Variants in GRM8 observed in about 807,000 individuals in gnomAD.
GRM8 encodes the protein glutamate metabotropic receptor 8, also known as metabotropic glutamate receptor 8.
A neutral mutation model predicts 87.2 loss-of-function variants in GRM8; 47 were observed. The observed-to-expected ratio is 0.54, with a 90% CI of 0.43 to 0.69. The LOEUF (loss-of-function observed/expected upper bound fraction) is 0.69, where lower values mean the gene tolerates loss of function less well. GRM8 is among the 30% of genes least tolerant of loss of function. GRM8 has a pLI of 0.00. For missense variants in GRM8, 1,019 were observed against 1,139.2 expected (o/e 0.89, Z 1.52); for synonymous variants, 396 against 404.5 (o/e 0.98, Z 0.25).
At chr7:127,001,176 T>A (rs1040912679) in intron 3 of GRM8, among the ~76,000 whole-genome samples, 4 of 151,646 alleles carry the variant, frequency 2.6e-5, no homozygotes, top group Non-Finnish European at 5.9e-5. Context: ...AAAAATGTTT[T>A]CAACATATTG....
chr7:127,230,192 T>C (rs918324254), intron 2 of GRM8, among the ~76,000 whole-genome samples: 3 of 146,750 alleles, frequency 2.0e-5, no homozygotes, highest in African/African-American at 4.9e-5. Flanking sequence ...CTCTGGGTGC[T>C]CTGTGCTCAC....
At chr7:127,192,693 C>T (rs576893021) in intron 2 of GRM8, among the ~76,000 whole-genome samples, 1 of 152,340 alleles carries the variant, frequency 6.6e-6, no homozygotes, top group African/African-American at 2.4e-5. Context: ...TACGCAAGTA[C>T]AAGGACTGGG....
intron 3 of GRM8, among the ~76,000 whole-genome samples, chr7:127,083,533 G>A (rs1246798275): frequency 1.3e-5 from 2 of 152,066 alleles, no homozygotes; most frequent in African/African-American, 2.4e-5. Context: ...ATCTGGTCAC[G>A]CTGCTGCCCT....
At chr7:126,703,495 G>A (rs1375461040) in intron 7 of GRM8, among the ~76,000 whole-genome samples, 1 of 152,104 alleles carries the variant, frequency 6.6e-6, no homozygotes, top group South Asian at 2.1e-4. Flanking sequence ...TCTAAACCAG[G>A]TCCTAGGGTC....
chr7:126,464,308 T>C (rs1804242508), intron 9 of GRM8, among the ~76,000 whole-genome samples: 1 of 151,756 alleles, frequency 6.6e-6, no homozygotes, highest in Admixed American at 6.6e-5. Context: ...TGGAATGTAT[T>C]TTACCATTCC....
chr7:126,629,811 A>C (rs911307740), intron 7 of GRM8, among the ~76,000 whole-genome samples: 18 of 152,182 alleles, frequency 1.2e-4, no homozygotes, highest in African/African-American at 4.3e-4. Flanking sequence ...CACTGCACGC[A>C]TAACAATGTG....
At chr7:126,795,285 T>C (rs547898787) in intron 6 of GRM8, among the ~76,000 whole-genome samples, 33 of 152,216 alleles carry the variant, frequency 2.2e-4, no homozygotes, top group African/African-American at 7.9e-4. Flanking sequence ...TGAAACAATC[T>C]AGCTCAGAAG....
chr7:127,166,787 A>G (rs577021486), intron 2 of GRM8, among the ~76,000 whole-genome samples: 1 of 152,262 alleles, frequency 6.6e-6, no homozygotes, highest in African/African-American at 2.4e-5. Flanking sequence ...TCCTCTTATG[A>G]AAATATCCTG....
rs1045809325 is a variant in GRM8, at chr7:127,031,387, T to C, written c.727+75109A>G. 5.3e-5 allele frequency among the ~76,000 whole-genome samples: 8 copies of C among 152,208 alleles called. 1 individual carries two copies. The highest frequency in any genetic ancestry group is 1.9e-4 in the African/African-American group (8 of 41,558). On this transcript the variant is annotated intron_variant, in intron 3 of 10. Coordinates refer to ENST00000339582, the MANE Select transcript of GRM8 (RefSeq NM_000845.3). The stretch of plus-strand genomic sequence containing the variant: ...ATACTATTTTTTTAAATTATTTATT[T>C]TCAATTACCTGAAGAGAATGGAGCC...
At chr7:126,508,203 T>C (rs1301833206) in intron 9 of GRM8, among the ~76,000 whole-genome samples, 1 of 151,914 alleles carries the variant, frequency 6.6e-6, no homozygotes, top group Non-Finnish European at 1.5e-5. Context: ...TGTGTTGCTA[T>C]AATAGAATAC....
intron 2 of GRM8, among the ~76,000 whole-genome samples, chr7:127,192,188 A>G (rs1446107881): frequency 6.6e-6 from 1 of 152,230 alleles, no homozygotes; most frequent in East Asian, 1.9e-4. Context: ...TACCTTTTCA[A>G]ATAAAAACTT....
chr7:126,857,821 T>C (rs567345096), intron 6 of GRM8, among the ~76,000 whole-genome samples: 3 of 152,296 alleles, frequency 2.0e-5, no homozygotes, highest in Admixed American at 6.5e-5. Context: ...TGGTGGCAGA[T>C]GCCTGTAGTC....
chr7:126,620,336 A>T (rs1408068487), intron 7 of GRM8, among the ~76,000 whole-genome samples: 1 of 152,228 alleles, frequency 6.6e-6, no homozygotes, highest in African/African-American at 2.4e-5. Flanking sequence ...ATGGAAACAA[A>T]CAACATGGAG....
intron 8 of GRM8, among the ~76,000 whole-genome samples, chr7:126,597,721 TC>T (rs1229957637): frequency 3.9e-5 from 6 of 152,116 alleles, no homozygotes; most frequent in African/African-American, 1.4e-4. Flanking sequence ...TCACGTTATG[TC>T]TTTAAGCAGC....
intron 3 of GRM8, among the ~76,000 whole-genome samples, chr7:126,928,158 A>G (rs1805341761): frequency 7.1e-6 from 1 of 140,324 alleles, no homozygotes; most frequent in South Asian, 2.2e-4. Flanking sequence ...CATAAGTGGG[A>G]GTTGAACAAT....
chr7:127,181,556 G>C (rs1349940266), intron 2 of GRM8, among the ~76,000 whole-genome samples: 3 of 151,620 alleles, frequency 2.0e-5, no homozygotes, highest in Non-Finnish European at 4.4e-5. Flanking sequence ...TAAGCAAAAA[G>C]AATACATCTG....
chr7:126,559,593 CT>C (rs1196321160), intron 8 of GRM8, among the ~76,000 whole-genome samples: 17 of 152,288 alleles, frequency 1.1e-4, no homozygotes, highest in Admixed American at 2.0e-4. Flanking sequence ...ATCACATTGT[CT>C]TGTGCAACAG....
At chr7:127,103,101 C>A (rs376133803) in intron 3 of GRM8, among the ~76,000 whole-genome samples, 71 of 152,272 alleles carry the variant, frequency 4.7e-4, no homozygotes, top group Admixed American at 4.1e-3. Flanking sequence ...CCTCAGCCCC[C>A]CAAAGTGCTG....
Position 126,983,319 on chromosome 7 carries a change from C to T in GRM8, c.728-78636G>A, listed in dbSNP as rs751498499. Among the ~76,000 whole-genome samples the T allele has an allele frequency of 6.4e-4, 97 of 151,802 alleles. 1 individual carries two copies. Among genetic ancestry groups the T allele is most frequent in the Non-Finnish European group, 5.1e-4 (35 of 67,992 alleles). ...CTGGATTGAAAGGATAATAGAATTG[C>T]CTTTGGAAGTCAGAATTAAAATGCC... On this transcript the variant is annotated intron_variant, in intron 3 of 10. Transcript: ENST00000339582.
Sources: gnomAD v4.1 joint callset for allele counts (sites outside exome capture counted in the v4.1 genomes callset) on GRCh38, gnomAD v4.1.1 for gene constraint, MANE v1.5 for transcripts, NCBI Gene and HGNC (gene_info 2026-07-23, HGNC 2026-07-21) for gene names.